The following NELL1 variants were observed in gnomAD, a reference collection of about 807,000 sequenced individuals.
NELL1 encodes the protein neural EGFL like 1.
In NELL1, 76 loss-of-function variants were observed where a neutral mutation model predicts 107.4. The ratio of observed to expected loss-of-function variants is 0.71; its 90% confidence interval spans 0.59 to 0.86. The LOEUF is 0.86. Ranked by LOEUF, NELL1 falls within the 40% of genes least tolerant of loss-of-function variation. NELL1 has a pLI of 0.00. For synonymous variants in NELL1, 353 were observed against 341.2 expected (o/e 1.03, Z -0.38); for missense variants, 1,024 against 1,005.5 (o/e 1.02, Z -0.25).
At chr11:21,456,461 G>C (rs1232604020) in intron 15 of NELL1, among the ~76,000 whole-genome samples, 1 of 151,820 alleles carries the variant, frequency 6.6e-6, no homozygotes, top group Non-Finnish European at 1.5e-5. Context: ...ATCATACACT[G>C]TCTGTTTTCT....
intron 9 of NELL1, among the ~76,000 whole-genome samples, chr11:20,929,876 G>T (rs1850580579): frequency 6.6e-6 from 1 of 151,764 alleles, no homozygotes; most frequent in South Asian, 2.1e-4. Context: ...GGAGGCTGAG[G>T]CAGGAGAATT....
chr11:21,273,392 A>G (rs1848782645), intron 14 of NELL1, among the ~76,000 whole-genome samples: 1 of 152,230 alleles, frequency 6.6e-6, no homozygotes, highest in East Asian at 1.9e-4. Context: ...TCCAAGAAAT[A>G]TGGGACTATG....
chr11:21,128,226 T>C (rs909488384), intron 13 of NELL1, among the ~76,000 whole-genome samples: 3 of 152,212 alleles, frequency 2.0e-5, no homozygotes, highest in East Asian at 3.8e-4. Flanking sequence ...AAGCACGTTG[T>C]AACTAGACAG....
In NELL1 at chr11:21,358,212, T is replaced by C. The variant is rs146768164; in HGVS notation, c.1550-12641T>C. Among the ~76,000 whole-genome samples the C allele has an allele frequency of 1.9e-3, 295 of 152,324 alleles. 1 individual carries two copies. The highest frequency in any genetic ancestry group is 6.8e-3 in the African/African-American group (281 of 41,572). On this transcript the variant is annotated intron_variant, in intron 14 of 19. Coordinates refer to ENST00000357134, the MANE Select transcript of NELL1 (RefSeq NM_006157.5). ...TGATGGTCCTTCGATGGGAATCACA[T>C]TGAATCTGTAGATTACTTTTGGCAG...
chr11:20,867,108 G>T (rs1849109954), intron 4 of NELL1, among the ~76,000 whole-genome samples: 1 of 152,050 alleles, frequency 6.6e-6, no homozygotes. Flanking sequence ...AATACTCAGG[G>T]CCCCAAAAGA....
intron 14 of NELL1, among the ~76,000 whole-genome samples, chr11:21,334,939 A>T (rs1850356829): frequency 6.6e-6 from 1 of 151,972 alleles, no homozygotes; most frequent in East Asian, 1.9e-4. Context: ...CAGGATTAGC[A>T]AACATGTTGT....
At position 21,263,679 on chromosome 11, in the gene NELL1, A is replaced by G. The variant is rs548495583; in HGVS notation, c.1549+34225A>G. On this transcript the variant is annotated intron_variant, in intron 14 of 19. Coordinates refer to ENST00000357134, the MANE Select transcript of NELL1 (RefSeq NM_006157.5). ...TAGTTTTTAAGGAGACTTTCATCCT[A>G]TATTTAGCTGCCATTGTCAGAAGTA... Among the ~76,000 whole-genome samples the G allele has an allele frequency of 7.9e-5, 12 of 152,032 alleles. No individual in the cohort carries two copies. The South Asian group carries it at 2.3e-3, about 29-fold the overall frequency.
chr11:21,058,235 T>C (rs1446214401), intron 12 of NELL1, among the ~76,000 whole-genome samples: 4 of 152,166 alleles, frequency 2.6e-5, no homozygotes, highest in Admixed American at 2.6e-4. Flanking sequence ...ATAAGTTCAT[T>C]ACAATTTTTT....
intron 2 of NELL1, among the ~76,000 whole-genome samples, chr11:20,766,334 T>C (rs1856527905): frequency 6.6e-6 from 1 of 152,188 alleles, no homozygotes; most frequent in Non-Finnish European, 1.5e-5. Flanking sequence ...AACCAGATAG[T>C]GCCTCAAAGA....
chr11:20,735,693 G>A (rs1437808615), intron 2 of NELL1, among the ~76,000 whole-genome samples: 1 of 152,178 alleles, frequency 6.6e-6, no homozygotes, highest in Non-Finnish European at 1.5e-5. Flanking sequence ...CTTGTTTGAA[G>A]TAAGGTTAAA....
rs532804111 is a variant in NELL1 at position 21,360,136 on chromosome 11, C to T, written c.1550-10717C>T. Among the ~76,000 whole-genome samples the T allele has an allele frequency of 5.3e-5, 8 of 152,086 alleles. No homozygotes were observed. In the South Asian group the frequency reaches 8.3e-4, roughly 16 times the overall value. On this transcript the variant is annotated intron_variant, in intron 14 of 19. Transcript: ENST00000357134. ...TGATGTAGGCATTTAATGCTGTGAA[C>T]GTTACTCTTAGCATTGCTTTTGCTG...
chr11:21,551,057 A>T (rs1008863810), intron 16 of NELL1, among the ~76,000 whole-genome samples: 4 of 151,028 alleles, frequency 2.6e-5, no homozygotes, highest in South Asian at 2.1e-4. Flanking sequence ...GGTCCTTCAC[A>T]TCCCTTGTAA....
chr11:20,885,067 C>A (rs924524357), intron 4 of NELL1, among the ~76,000 whole-genome samples: 14 of 152,098 alleles, frequency 9.2e-5, no homozygotes, highest in African/African-American at 3.4e-4. Flanking sequence ...AGTTCTTATC[C>A]CAACTCTACT....
chr11:20,845,748 C>A (rs1048540392), intron 3 of NELL1, among the ~76,000 whole-genome samples: 2 of 152,134 alleles, frequency 1.3e-5, no homozygotes, highest in Non-Finnish European at 2.9e-5. Flanking sequence ...ACTTTTCTTG[C>A]CTCCTCATTT....
chr11:21,368,354 G>GTT (rs1565190712), intron 14 of NELL1, among the ~76,000 whole-genome samples: 1 of 49,846 alleles, frequency 2.0e-5, no homozygotes, highest in African/African-American at 8.9e-5. Flanking sequence ...TTTAGGCATT[G>GTT]GTTTTTTTTT....
chr11:21,394,276 AC>A (rs1183357144), intron 15 of NELL1, among the ~76,000 whole-genome samples: 1 of 151,606 alleles, frequency 6.6e-6, no homozygotes, highest in Non-Finnish European at 1.5e-5. Context: ...TAGGATTCAA[AC>A]CCAGGGAGCC....
intron 3 of NELL1, among the ~76,000 whole-genome samples, chr11:20,811,581 C>T (rs1198629292): frequency 2.0e-5 from 3 of 151,822 alleles, no homozygotes; most frequent in Non-Finnish European, 4.4e-5. Flanking sequence ...TGAAATTTGT[C>T]CTTCCATTTT....
At chr11:20,966,401 G>A (rs1851387884) in intron 12 of NELL1, among the ~76,000 whole-genome samples, 1 of 152,088 alleles carries the variant, frequency 6.6e-6, no homozygotes, top group African/African-American at 2.4e-5. Flanking sequence ...ATGAATTTTG[G>A]AGGGGACAAA....
At chr11:21,031,836 G>A in intron 12 of NELL1, among the ~76,000 whole-genome samples, 1 of 152,064 alleles carries the variant, frequency 6.6e-6, no homozygotes, top group East Asian at 1.9e-4. Context: ...ATCACCTGAG[G>A]TCAGGAGTGC....
Sources: allele counts gnomAD v4.1 joint callset (sites outside exome capture counted in the v4.1 genomes callset), GRCh38; gene constraint gnomAD v4.1.1; transcripts MANE v1.5; gene names NCBI Gene and HGNC (gene_info 2026-07-23, HGNC 2026-07-21).